NLK: variants seen among roughly 807,000 people sequenced by gnomAD.
NLK encodes the protein nemo like kinase.
Under a neutral mutation model 59.0 loss-of-function variants are expected in NLK, and 11 were observed. The observed-to-expected ratio is 0.19, with a 90% CI of 0.12 to 0.31. The LOEUF is 0.31. NLK is among the 10% of genes least tolerant of loss of function. NLK has a pLI of 1.00. For missense variants in NLK, 410 were observed against 661.1 expected (o/e 0.62, Z 4.16); for synonymous variants, 235 against 235.9 (o/e 1.00, Z 0.03).
intron 1 of NLK, among the ~76,000 whole-genome samples, chr17:28,090,362 G>A (rs1325393793): frequency 6.6e-6 from 1 of 152,118 alleles, no homozygotes; most frequent in Non-Finnish European, 1.5e-5. Context: ...AATACCAAAA[G>A]TCTTTATATT....
intron 8 of NLK, among the ~76,000 whole-genome samples, chr17:28,189,931 G>C (rs1196361341): frequency 1.3e-5 from 2 of 152,160 alleles, no homozygotes; most frequent in African/African-American, 4.8e-5. Context: ...ATCTTGAAAG[G>C]TCATGACATG....
intron 7 of NLK, among the ~76,000 whole-genome samples, chr17:28,180,825 TA>T (rs1039327039): frequency 3.3e-5 from 5 of 151,734 alleles, no homozygotes; most frequent in Admixed American, 1.3e-4. Context: ...CTTTACACAA[TA>T]AAAAAAAATT....
chr17:28,059,873 T>C (rs1260453796), intron 1 of NLK, among the ~76,000 whole-genome samples: 3 of 152,226 alleles, frequency 2.0e-5, no homozygotes, highest in African/African-American at 7.2e-5. Flanking sequence ...CCTTATATGG[T>C]ATTTTCATCA....
chr17:28,191,582 C>T (rs35645262), intron 9 of NLK, among the ~76,000 whole-genome samples: 5 of 152,164 alleles, frequency 3.3e-5, no homozygotes, highest in South Asian at 4.2e-4. Flanking sequence ...ATTCCTTGGA[C>T]GATGACAAGA....
intron 1 of NLK, among the ~76,000 whole-genome samples, chr17:28,106,257 C>T (rs1443174305): frequency 3.9e-5 from 6 of 152,084 alleles, no homozygotes; most frequent in Non-Finnish European, 4.4e-5. Flanking sequence ...TTCTTTTATA[C>T]AGTGTGCTTT....
In NLK at chr17:28,132,081, AG is replaced by A. The variant is rs1173338352; in HGVS notation, c.589-538del. Among the ~76,000 whole-genome samples the A allele has an allele frequency of 5.9e-5, 9 of 152,266 alleles. No homozygotes were observed. The East Asian group carries it at 1.7e-3, about 29-fold the overall frequency. On this transcript the variant is annotated intron_variant, in intron 2 of 10. Coordinates refer to ENST00000407008, the MANE Select transcript of NLK (RefSeq NM_016231.5). ...TTCTAGAGTAGTGTTACTTTAGGGA[AG>A]CTTTTTCTCTCTACCCTTCTTTACA...
intron 1 of NLK, among the ~76,000 whole-genome samples, chr17:28,120,259 T>C (rs1183860372): frequency 6.6e-6 from 1 of 151,378 alleles, no homozygotes; most frequent in Non-Finnish European, 1.5e-5. Context: ...TGTGTGTGTG[T>C]GTGTGTGTGT....
chr17:28,074,554 G>A (rs1910109568), intron 1 of NLK, among the ~76,000 whole-genome samples: 1 of 151,992 alleles, frequency 6.6e-6, no homozygotes, highest in Admixed American at 6.6e-5. Flanking sequence ...GAATTTAAAT[G>A]TTTTTTCTAT....
chr17:28,160,331 A>G (rs1907954001), intron 3 of NLK, among the ~76,000 whole-genome samples: 3 of 152,354 alleles, frequency 2.0e-5, no homozygotes, highest in South Asian at 4.1e-4. Flanking sequence ...CCTGTTCCCA[A>G]GTTATCCCCT....
At chr17:28,093,296 C>T (rs960362488) in intron 1 of NLK, among the ~76,000 whole-genome samples, 1 of 152,098 alleles carries the variant, frequency 6.6e-6, no homozygotes, top group African/African-American at 2.4e-5. Context: ...AATTCTAGCT[C>T]TGAAGTATAT....
At chr17:28,187,642 G>A (rs761985418) in intron 8 of NLK, among the ~76,000 whole-genome samples, 1 of 152,152 alleles carries the variant, frequency 6.6e-6, no homozygotes, top group African/African-American at 2.4e-5. Flanking sequence ...TGCCAGGAAG[G>A]TAGTGTTTAC....
intron 3 of NLK, among the ~76,000 whole-genome samples, chr17:28,141,741 C>A (rs972341534): frequency 6.6e-6 from 1 of 152,078 alleles, no homozygotes; most frequent in Non-Finnish European, 1.5e-5. Flanking sequence ...TATGTTCATC[C>A]CTTACCTTCT....
intron 1 of NLK, among the ~76,000 whole-genome samples, chr17:28,095,560 A>C (rs1204136682): frequency 6.6e-6 from 1 of 152,160 alleles, no homozygotes; most frequent in African/African-American, 2.4e-5. Flanking sequence ...ATGATTGTAC[A>C]CTTTAATCTT....
At chr17:28,092,511 T>C (rs2142779521) in intron 1 of NLK, among the ~76,000 whole-genome samples, 1 of 152,288 alleles carries the variant, frequency 6.6e-6, no homozygotes, top group Middle Eastern at 3.4e-3. Context: ...TTGTTCCCAT[T>C]AACTATATAA....
chr17:28,205,394 G>T, the NLK span, among the ~76,000 whole-genome samples: 16 of 152,288 alleles, frequency 1.1e-4, no homozygotes, highest in South Asian at 2.1e-3. Flanking sequence ...CAATGACACA[G>T]ATTTCAGGGG....
At chr17:28,075,285 T>C (rs1910129119) in intron 1 of NLK, among the ~76,000 whole-genome samples, 1 of 152,222 alleles carries the variant, frequency 6.6e-6, no homozygotes, top group African/African-American at 2.4e-5. Context: ...ACTAGCAACT[T>C]CTTTTTGTAA....
intron 7 of NLK, among the ~76,000 whole-genome samples, chr17:28,180,602 C>T (rs1597725673): frequency 6.6e-6 from 1 of 152,282 alleles, no homozygotes; most frequent in Non-Finnish European, 1.5e-5. Flanking sequence ...TCTAGTACTT[C>T]TTCCAGTGTT....
rs143850303 is a variant in NLK at position 28,043,760 on chromosome 17, A to G, written c.458+429A>G. ...CTCTTGTCATTAGGATATACTTTGC[A>G]TAACTACTTTCCTGTCCTTTCTGTC... On this transcript the variant is annotated intron_variant, in intron 1 of 10. Transcript: ENST00000407008. 2.0e-4 allele frequency among the ~76,000 whole-genome samples: 30 copies of G among 152,370 alleles called. No individual in the cohort carries two copies. The East Asian group carries it at 4.8e-3, about 24-fold the overall frequency.
At chr17:28,190,213 TGTC>T (rs1231492136) in intron 8 of NLK, among the ~76,000 whole-genome samples, 1 of 152,248 alleles carries the variant, frequency 6.6e-6, no homozygotes, top group Non-Finnish European at 1.5e-5. Context: ...AATACACGTA[TGTC>T]TACTGAGCTA....
Sources: gnomAD v4.1 joint callset for allele counts (sites outside exome capture counted in the v4.1 genomes callset) on GRCh38, gnomAD v4.1.1 for gene constraint, MANE v1.5 for transcripts, NCBI Gene and HGNC (gene_info 2026-07-23, HGNC 2026-07-21) for gene names.